Variants in LRRC4C observed in about 807,000 individuals in gnomAD.
The protein encoded by LRRC4C is leucine-rich repeat-containing protein 4C.
A neutral mutation model predicts 33.6 loss-of-function variants in LRRC4C; 5 were observed. The observed-to-expected ratio is 0.15, with a 90% CI of 0.08 to 0.31. LRRC4C has a LOEUF of 0.31. Among genes scored for constraint, LRRC4C ranks in the 10% least tolerant of loss-of-function variants. The pLI, the probability that LRRC4C is intolerant of heterozygous loss-of-function variation, is 1.00. For missense variants in LRRC4C, 560 were observed against 796.7 expected, an observed-to-expected ratio of 0.70 and a Z score of 3.58; for synonymous variants, 329 against 302.0, an observed-to-expected ratio of 1.09 and a Z score of -0.93.
intron 4 of LRRC4C, among the ~76,000 whole-genome samples, chr11:40,297,106 A>T (rs1246542215): frequency 1.3e-5 from 2 of 152,244 alleles, no homozygotes; most frequent in Admixed American, 1.3e-4. Flanking sequence ...TCTTGTAATC[A>T]GAAATACAAA....
At chr11:40,710,699 C>A (rs1394017559) in intron 2 of LRRC4C, among the ~76,000 whole-genome samples, 1 of 152,220 alleles carries the variant, frequency 6.6e-6, no homozygotes, top group African/African-American at 2.4e-5. Flanking sequence ...AGAGCTCAAA[C>A]ACTCTGCTGG....
chr11:40,316,394 A>G (rs1945575016), intron 4 of LRRC4C, among the ~76,000 whole-genome samples: 1 of 152,044 alleles, frequency 6.6e-6, no homozygotes, highest in Non-Finnish European at 1.5e-5. Context: ...ACTTGTTCCA[A>G]TCTGTTGCTT....
intron 2 of LRRC4C, among the ~76,000 whole-genome samples, chr11:40,748,710 T>C (rs1948545420): frequency 6.6e-6 from 1 of 152,086 alleles, no homozygotes; most frequent in Admixed American, 6.5e-5. Flanking sequence ...AAAAACTTAA[T>C]CTAACTATAT....
At chr11:40,244,602 T>A (rs1313551110) in intron 4 of LRRC4C, among the ~76,000 whole-genome samples, 1 of 152,178 alleles carries the variant, frequency 6.6e-6, no homozygotes, top group Non-Finnish European at 1.5e-5. Context: ...TCATCCACAC[T>A]TCCTTATGTC....
rs962365159 is a variant in LRRC4C, at chr11:41,138,613, G to A, written c.-495-204890C>T. 5.3e-5 allele frequency among the ~76,000 whole-genome samples: 8 copies of A among 152,114 alleles called. No homozygotes were observed. In the South Asian group the frequency reaches 6.2e-4, roughly 12 times the overall value. On this transcript the variant is annotated intron_variant, in intron 1 of 6. Coordinates refer to ENST00000528697, the MANE Select transcript of LRRC4C (RefSeq NM_001258419.2). ...CTGGTAAACAAAATATTTATAGGCCGATCTCTAGAAGTCATTTAAAGAGAC... is the reference window on the plus strand; with the variant it reads ...CTGGTAAACAAAATATTTATAGGCCAATCTCTAGAAGTCATTTAAAGAGAC...
At chr11:41,396,059 C>CT (rs1953798826) in intron 1 of LRRC4C, among the ~76,000 whole-genome samples, 1 of 151,904 alleles carries the variant, frequency 6.6e-6, no homozygotes, top group Non-Finnish European at 1.5e-5. Flanking sequence ...TTTTTTTCGG[C>CT]TCAACGGCTA....
chr11:40,886,118 C>G (rs1182924064), intron 2 of LRRC4C, among the ~76,000 whole-genome samples: 1 of 152,024 alleles, frequency 6.6e-6, no homozygotes, highest in Admixed American at 6.6e-5. Context: ...AATAAAGCAA[C>G]AATAAATAAT....
intron 2 of LRRC4C, among the ~76,000 whole-genome samples, chr11:40,763,708 C>G (rs1949329244): frequency 6.6e-6 from 1 of 152,098 alleles, no homozygotes; most frequent in Non-Finnish European, 1.5e-5. Context: ...TGCTCTGTCA[C>G]AGTGAAAAGC....
intron 3 of LRRC4C, among the ~76,000 whole-genome samples, chr11:40,457,790 C>T (rs1952206755): frequency 6.6e-6 from 1 of 152,148 alleles, no homozygotes; most frequent in African/African-American, 2.4e-5. Flanking sequence ...TGGCTCCCCT[C>T]CTTCAATTAA....
intron 4 of LRRC4C, among the ~76,000 whole-genome samples, chr11:40,248,470 C>T (rs1016018537): frequency 1.3e-5 from 2 of 152,104 alleles, no homozygotes; most frequent in African/African-American, 2.4e-5. Flanking sequence ...GTGGCTCATG[C>T]CTGTAATCCC....
intron 1 of LRRC4C, among the ~76,000 whole-genome samples, chr11:41,241,803 G>T (rs1948261208): frequency 6.6e-6 from 1 of 152,114 alleles, no homozygotes; most frequent in South Asian, 2.1e-4. Flanking sequence ...GGAAGAAATG[G>T]TTAGAAATGG....
intron 3 of LRRC4C, among the ~76,000 whole-genome samples, chr11:40,575,923 GT>G (rs1367197223): frequency 1.3e-5 from 2 of 152,140 alleles, no homozygotes; most frequent in Non-Finnish European, 2.9e-5. Context: ...TCAATCTAAT[GT>G]AATGGTTATA....
chr11:40,384,676 T>C (rs1419166496), intron 3 of LRRC4C, among the ~76,000 whole-genome samples: 2 of 152,302 alleles, frequency 1.3e-5, no homozygotes, highest in Middle Eastern at 3.4e-3. Flanking sequence ...TTATTTTCTT[T>C]TAGCTCCTAC....
intron 4 of LRRC4C, among the ~76,000 whole-genome samples, chr11:40,262,336 G>T (rs1941916545): frequency 6.6e-6 from 1 of 152,194 alleles, no homozygotes; most frequent in African/African-American, 2.4e-5. Flanking sequence ...GGAAACAACA[G>T]ATGCTGGAGA....
intron 1 of LRRC4C, among the ~76,000 whole-genome samples, chr11:41,084,616 A>G (rs1471522959): frequency 6.6e-6 from 1 of 152,162 alleles, no homozygotes; most frequent in Non-Finnish European, 1.5e-5. Flanking sequence ...TGGGAGGCCG[A>G]GGCGGGTGGA....
chr11:41,358,611 T>C (rs892418159), intron 1 of LRRC4C, among the ~76,000 whole-genome samples: 1 of 152,040 alleles, frequency 6.6e-6, no homozygotes, highest in Admixed American at 6.6e-5. Flanking sequence ...GATTTACATA[T>C]GAAAAATAAG....
intron 1 of LRRC4C, among the ~76,000 whole-genome samples, chr11:41,309,015 G>A (rs1950578501): frequency 6.6e-6 from 1 of 152,068 alleles, no homozygotes; most frequent in Admixed American, 6.6e-5. Flanking sequence ...TGTTGGTCAG[G>A]CTGGTCTCGA....
chr11:41,285,150 A>G (rs1949785230), intron 1 of LRRC4C, among the ~76,000 whole-genome samples: 1 of 152,180 alleles, frequency 6.6e-6, no homozygotes, highest in Non-Finnish European at 1.5e-5. Context: ...TAAACAGCAC[A>G]CAATGAACCC....
intron 2 of LRRC4C, among the ~76,000 whole-genome samples, chr11:40,648,930 G>A (rs1258954653): frequency 6.6e-6 from 1 of 152,142 alleles, no homozygotes; most frequent in East Asian, 1.9e-4. Context: ...GCCCACCTGA[G>A]TCACAAAACC....
Sources: gnomAD v4.1 joint callset for allele counts (sites outside exome capture counted in the v4.1 genomes callset) on GRCh38, gnomAD v4.1.1 for gene constraint, MANE v1.5 for transcripts, NCBI Gene and HGNC (gene_info 2026-07-23, HGNC 2026-07-21) for gene names.